Variants in CDYL2 observed in about 807,000 individuals in gnomAD.
CDYL2 encodes chromodomain Y-like protein 2.
A neutral mutation model predicts 49.4 loss-of-function variants in CDYL2; 23 were observed. The ratio of observed to expected loss-of-function variants is 0.47; its 90% CI spans 0.34 to 0.66. The LOEUF (loss-of-function observed/expected upper bound fraction) is 0.66. CDYL2 is among the 30% of genes least tolerant of loss of function. The probability of loss-of-function intolerance (pLI) is 0.01; values close to 1 mark genes in which losing one functional copy is unlikely to be tolerated. For missense variants in CDYL2, 678 were observed against 656.4 expected, an observed-to-expected ratio of 1.03 and a Z score of -0.36; for synonymous variants, 360 against 268.8, an observed-to-expected ratio of 1.34 and a Z score of -3.32.
intron 1 of CDYL2, among the ~76,000 whole-genome samples, chr16:80,725,490 T>C (rs1184314745): frequency 6.6e-6 from 1 of 152,240 alleles, no homozygotes; most frequent in Admixed American, 6.5e-5. Context: ...GCATAGCTCC[T>C]GGCCCACAGT....
intron 4 of CDYL2, among the ~76,000 whole-genome samples, chr16:80,619,564 C>A (rs906165325): frequency 6.6e-6 from 1 of 152,170 alleles, no homozygotes. Flanking sequence ...GAGAGAAGCA[C>A]GCTGGAAATC....
chr16:80,621,389 T>C (rs1001633269), intron 3 of CDYL2, among the ~76,000 whole-genome samples: 2 of 152,386 alleles, frequency 1.3e-5, no homozygotes, highest in South Asian at 4.1e-4. Flanking sequence ...CTCCAGCTCA[T>C]ACCCCGCACG....
intron 1 of CDYL2, among the ~76,000 whole-genome samples, chr16:80,694,794 T>C (rs1010312145): frequency 2.0e-5 from 3 of 152,080 alleles, no homozygotes; most frequent in Non-Finnish European, 4.4e-5. Context: ...AATGCCTAAC[T>C]CTAGGGCTGG....
chr16:80,767,480 C>T (rs1906765325), intron 1 of CDYL2, among the ~76,000 whole-genome samples: 2 of 152,100 alleles, frequency 1.3e-5, no homozygotes, highest in South Asian at 2.1e-4. Flanking sequence ...CACACAGATC[C>T]CCCCACTAAA....
chr16:80,804,398 C>CGGCGGCGGCGGCGGCGGCACGAGCGCG lies in CDYL2; in HGVS notation c.-252_-226dup, dbSNP rs1908034851. 5 of 161,878 alleles carry CGGCGGCGGCGGCGGCGGCACGAGCGCG rather than the reference C, an allele frequency of 3.1e-5. No individual in the cohort carries two copies. The South Asian group carries it at 8.6e-4, about 28-fold the overall frequency. 10.0% of individuals were successfully genotyped at this position (161,878 alleles called of 1,614,324 possible). ...GGGCTGGCGTAACCGGCAGCAGCGG[C>CGGCGGCGGCGGCGGCGGCACGAGCGCG]GGCGGCGGCGGCGGCGGCACGAGCG... is the stretch of plus-strand genomic sequence containing the variant. On this transcript the variant is annotated 5_prime_UTR_variant, in exon 1 of 7. Transcript: ENST00000570137.
chr16:80,645,070 T>C (rs546297329), intron 2 of CDYL2, among the ~76,000 whole-genome samples: 37 of 152,278 alleles, frequency 2.4e-4, no homozygotes, highest in South Asian at 8.3e-4. Context: ...ATTCAGGACA[T>C]AGGCATGGAC....
rs1451034109 is a variant in CDYL2, at chr16:80,601,507, G to A, written c.*2881C>T. 1 of 152,174 alleles carries A rather than the reference G, an allele frequency of 6.6e-6. No individual in the cohort carries two copies. 9.4% of individuals were successfully genotyped at this position (152,174 alleles called of 1,614,324 possible). A position where few individuals can be genotyped will look rare whatever the true frequency, so the allele number is the denominator to read the frequency against. On this transcript the variant is annotated 3_prime_UTR_variant, in exon 7 of 7. Coordinates refer to ENST00000570137, the MANE Select transcript of CDYL2 (RefSeq NM_152342.4). ...GAAAATGGTAGAGAGAGGGGAGAAA[G>A]GATCCCATAGACAGAGAGGGGGCCC... is the stretch of plus-strand genomic sequence containing the variant.
intron 4 of CDYL2, among the ~76,000 whole-genome samples, chr16:80,615,346 G>A (rs1906781989): frequency 6.6e-6 from 1 of 152,164 alleles, no homozygotes; most frequent in Admixed American, 6.5e-5. Flanking sequence ...GGGTTTGGAT[G>A]ATTTTTGTCA....
At chr16:80,666,045 A>G (rs189535071) in intron 2 of CDYL2, among the ~76,000 whole-genome samples, 40 of 152,322 alleles carry the variant, frequency 2.6e-4, no homozygotes, top group Non-Finnish European at 4.6e-4. Context: ...GGAGTCTGAC[A>G]AAGGAGAAGA....
chr16:80,744,406 T>C (rs929428312), intron 1 of CDYL2, among the ~76,000 whole-genome samples: 36 of 152,164 alleles, frequency 2.4e-4, no homozygotes, highest in Admixed American at 7.9e-4. Context: ...AGCTTTACAC[T>C]GACACCATGA....
At chr16:80,749,132 G>C (rs1199471921) in intron 1 of CDYL2, among the ~76,000 whole-genome samples, 2 of 148,058 alleles carry the variant, frequency 1.4e-5, no homozygotes, top group Admixed American at 1.4e-4. Flanking sequence ...ATGATTATGG[G>C]AGATTGTTGT....
chr16:80,669,455 C>G (rs1909408043), intron 2 of CDYL2, among the ~76,000 whole-genome samples: 1 of 152,080 alleles, frequency 6.6e-6, no homozygotes, highest in African/African-American at 2.4e-5. Context: ...TCACTGCCGT[C>G]TTGTGGGGAC....
chr16:80,793,268 T>A (rs758208132), intron 1 of CDYL2, among the ~76,000 whole-genome samples: 3 of 152,202 alleles, frequency 2.0e-5, no homozygotes, highest in Non-Finnish European at 4.4e-5. Context: ...TGAAAGGGCC[T>A]CTATCACATG....
At chr16:80,795,452 C>A (rs955230208) in intron 1 of CDYL2, among the ~76,000 whole-genome samples, 1 of 152,164 alleles carries the variant, frequency 6.6e-6, no homozygotes, top group Non-Finnish European at 1.5e-5. Flanking sequence ...TTTATAAAGT[C>A]CTGGTCAATG....
At chr16:80,616,617 C>T (rs1323225315) in intron 4 of CDYL2, among the ~76,000 whole-genome samples, 1 of 152,168 alleles carries the variant, frequency 6.6e-6, no homozygotes, top group Non-Finnish European at 1.5e-5. Flanking sequence ...ACAGTGACCA[C>T]CATCCTGGGG....
intron 1 of CDYL2, among the ~76,000 whole-genome samples, chr16:80,762,389 C>T (rs111787577): frequency 7.2e-5 from 11 of 152,196 alleles, no homozygotes; most frequent in South Asian, 2.1e-4. Context: ...GCAAACCAAA[C>T]GTGGAAAGAG....
At chr16:80,647,531 C>A (rs552752215) in intron 2 of CDYL2, among the ~76,000 whole-genome samples, 100 of 152,088 alleles carry the variant, frequency 6.6e-4, no homozygotes, top group Non-Finnish European at 1.2e-3. Flanking sequence ...CACTGGATCA[C>A]CCAGATATAT....
At chr16:80,690,265 G>C (rs1342083201) in intron 1 of CDYL2, among the ~76,000 whole-genome samples, 1 of 152,076 alleles carries the variant, frequency 6.6e-6, no homozygotes, top group Non-Finnish European at 1.5e-5. Context: ...TCCAAGAAAG[G>C]ACAATTTAAA....
intron 1 of CDYL2, among the ~76,000 whole-genome samples, chr16:80,695,295 C>A (rs1263915393): frequency 6.6e-6 from 1 of 152,182 alleles, no homozygotes; most frequent in African/African-American, 2.4e-5. Context: ...ACACTTATCA[C>A]TATACAAAAC....
Sources: allele counts gnomAD v4.1 joint callset (sites outside exome capture counted in the v4.1 genomes callset), GRCh38; gene constraint gnomAD v4.1.1; transcripts MANE v1.5; gene names NCBI Gene and HGNC (gene_info 2026-07-23, HGNC 2026-07-21).